Variants in DCAF1 observed in about 807,000 individuals in gnomAD.
DCAF1 encodes DDB1 and CUL4 associated factor 1.
Under a neutral mutation model 128.0 loss-of-function variants are expected in DCAF1, and 15 were observed. The ratio of observed to expected loss-of-function variants is 0.12; its 90% confidence interval spans 0.08 to 0.18. The LOEUF (loss-of-function observed/expected upper bound fraction) is 0.18, where lower values mean the gene tolerates loss of function less well. DCAF1 is among the 10% of genes least tolerant of loss of function. The pLI is 1.00. For missense variants in DCAF1, 988 were observed against 1,649.5 expected, an observed-to-expected ratio of 0.60 and a Z score of 6.95; for synonymous variants, 610 against 603.0, an observed-to-expected ratio of 1.01 and a Z score of -0.17.
chr3:51,498,088 G>A (rs539922427), intron 1 of DCAF1, among the ~76,000 whole-genome samples: 56 of 121,080 alleles, frequency 4.6e-4, no homozygotes, highest in Middle Eastern at 6.0e-3. Flanking sequence ...AAAAGCCAGC[G>A]CAGTGGCTTA....
intron 10 of DCAF1, among the ~76,000 whole-genome samples, chr3:51,432,144 GC>G: frequency 6.6e-6 from 1 of 151,692 alleles, no homozygotes; most frequent in Middle Eastern, 3.4e-3. Flanking sequence ...AGTGGTGGGC[GC>G]CTGTAATCCC....
chr3:51,403,189 A>T lies in DCAF1; in HGVS notation c.4419T>A (p.Asp1473Glu). The T allele has an allele frequency of 6.2e-7, 1 of 1,613,798 alleles. No homozygotes were observed. The highest frequency in any genetic ancestry group is 8.5e-7 in the Non-Finnish European group (1 of 1,179,822). The change falls in exon 24 of 25, where the codon GAT becomes GAA. Residue 1473 changes from aspartate (D) to glutamate (E), a missense_variant. Asp to Glu is a conservative substitution (Grantham distance 45, BLOSUM62 2). This residue lies in a region of DCAF1 where 97 missense variants were observed against 134.5 expected (regional missense o/e 0.72). Transcript: ENST00000684031. ...CCTCCTCATCTGCATCAGAGTCTTC[A>T]TCCTCCCCGTCCTCTCCCTCCTCTA... is the stretch of plus-strand genomic sequence containing the variant. ...NLLEEGEDGE[D>E]EDSDADEEVE...
At chr3:51,464,406 T>C (rs1559544762) in intron 5 of DCAF1, among the ~76,000 whole-genome samples, 1 of 152,054 alleles carries the variant, frequency 6.6e-6, no homozygotes, top group Non-Finnish European at 1.5e-5. Context: ...CCAAGATTCA[T>C]TATCCAGGCT....
At chr3:51,412,818 T>C (rs1310260073) in intron 22 of DCAF1, among the ~76,000 whole-genome samples, 175 bp downstream of exon 22, 1 of 152,220 alleles carries the variant, frequency 6.6e-6, no homozygotes, top group Non-Finnish European at 1.5e-5. Flanking sequence ...TTTCTTACTA[T>C]TTCTCTTTGT....
At chr3:51,466,103 G>A (rs1016423467) in intron 5 of DCAF1, among the ~76,000 whole-genome samples, 1 of 152,168 alleles carries the variant, frequency 6.6e-6, no homozygotes, top group Non-Finnish European at 1.5e-5. Context: ...TTGGGAGCCT[G>A]AGGCAGGAGA....
At chr3:51,395,937 G>GT (rs1308731807), downstream of DCAF1, 3 of 413,348 alleles carry the variant, frequency 7.3e-6, no homozygotes, top group African/African-American at 4.1e-5. Flanking sequence ...CAGCTGCCAG[G>GT]TACCTAAGCA....
chr3:51,396,185 T>G, downstream of DCAF1: 1 of 369,364 alleles, frequency 2.7e-6, no homozygotes, highest in Non-Finnish European at 5.0e-6. Context: ...ATCATCTACC[T>G]CCCAGCTTTG....
intron 6 of DCAF1, among the ~76,000 whole-genome samples, chr3:51,446,232 G>A (rs1701839699): frequency 6.6e-6 from 1 of 151,878 alleles, no homozygotes; most frequent in Non-Finnish European, 1.5e-5. Flanking sequence ...TGACCTCAGG[G>A]GATCTGCCCA....
At chr3:51,471,693 C>A (rs1266062148) in intron 3 of DCAF1, among the ~76,000 whole-genome samples, 11 of 151,950 alleles carry the variant, frequency 7.2e-5, no homozygotes, top group Non-Finnish European at 1.2e-4. Context: ...CATGGAGAAA[C>A]CCCGTCTCTA....
chr3:51,430,651 A>G (rs782152087), intron 10 of DCAF1, among the ~76,000 whole-genome samples: 1 of 152,224 alleles, frequency 6.6e-6, no homozygotes, highest in Non-Finnish European at 1.5e-5. Context: ...TATGGGTCAG[A>G]AAATGAAACT....
Position 51,441,020 on chromosome 3 carries a change from T to C in DCAF1, c.1078A>G (p.Ile360Val). The change falls in exon 9 of 25, where the codon ATT (isoleucine) becomes GTT (valine). Residue 360 changes from isoleucine to valine, a missense_variant. Physicochemically the swap from Ile to Val is conservative, Grantham distance 29 (BLOSUM62 3). Transcript: ENST00000684031. ...ACATCATTAGTTTGCTTCAGGTCAATATAGAACATCATCAGCTCCCGTGAT... is the reference window on the plus strand; with the variant it reads ...ACATCATTAGTTTGCTTCAGGTCAACATAGAACATCATCAGCTCCCGTGAT... ...LGSRELMMFY[I>V]DLKQTNDVLL... The C allele has an allele frequency of 1.2e-6, 2 of 1,613,246 alleles. No individual in the cohort carries two copies. The highest frequency in any genetic ancestry group is 1.7e-6 in the Non-Finnish European group (2 of 1,179,604).
chr3:51,439,114 T>A (rs1701118014), intron 9 of DCAF1, among the ~76,000 whole-genome samples: 1 of 151,938 alleles, frequency 6.6e-6, no homozygotes, highest in Non-Finnish European at 1.5e-5. Flanking sequence ...CTGTGAAACC[T>A]TTACTGAGTT....
intron 6 of DCAF1, among the ~76,000 whole-genome samples, chr3:51,456,573 C>T (rs534491034): frequency 6.6e-5 from 10 of 152,326 alleles, no homozygotes; most frequent in African/African-American, 2.2e-4. Context: ...TAGTGGTTCT[C>T]CCAGCATGCA....
intron 11 of DCAF1, 49 bp from the exon 12 acceptor site, chr3:51,429,519 A>C: frequency 1.3e-6 from 1 of 763,132 alleles, no homozygotes; most frequent in Non-Finnish European, 2.5e-6. Context: ...AGGCAAGAAG[A>C]GTTAAGTAAA....
chr3:51,414,520 A>G, intron 19 of DCAF1, 104 bp downstream of exon 19: 1 of 1,461,120 alleles, frequency 6.8e-7, no homozygotes. Context: ...TATTATTACC[A>G]GTGTGGACAC....
At chr3:51,504,641 C>T (rs1289339515), upstream of DCAF1, among the ~76,000 whole-genome samples, 2 of 152,188 alleles carry the variant, frequency 1.3e-5, no homozygotes, top group East Asian at 3.9e-4. Context: ...AACCACCATG[C>T]TTTGGCCACT....
chr3:51,466,196 T>C (rs538742199), intron 5 of DCAF1, among the ~76,000 whole-genome samples: 1 of 152,208 alleles, frequency 6.6e-6, no homozygotes, highest in South Asian at 2.1e-4. Context: ...AGCCAGACCC[T>C]GTCTCAAAAG....
At chr3:51,453,445 T>C (rs954649893) in intron 6 of DCAF1, among the ~76,000 whole-genome samples, 4 of 151,150 alleles carry the variant, frequency 2.6e-5, no homozygotes, top group South Asian at 2.1e-4. Context: ...CTGGGCAACA[T>C]AGGGAGACCT....
At chr3:51,455,904 AG>A (rs1263606535) in intron 6 of DCAF1, among the ~76,000 whole-genome samples, 3 of 152,044 alleles carry the variant, frequency 2.0e-5, no homozygotes, top group Admixed American at 6.6e-5. Flanking sequence ...TCTCAAAAAA[AG>A]AAAAAAAAAA....
Sources: allele counts gnomAD v4.1 joint callset (sites outside exome capture counted in the v4.1 genomes callset), GRCh38; gene constraint gnomAD v4.1.1; regional missense constraint gnomAD v4.1.1; transcripts MANE v1.5; gene names NCBI Gene and HGNC (gene_info 2026-07-23, HGNC 2026-07-21).